Variants in NOS1AP observed in about 807,000 individuals in gnomAD.
NOS1AP encodes carboxyl-terminal PDZ ligand of neuronal nitric oxide synthase protein.
A neutral mutation model predicts 56.2 loss-of-function variants in NOS1AP; 21 were observed. That is an observed-to-expected ratio of 0.37 (90% confidence interval 0.26 to 0.54). The LOEUF is 0.54. Among genes scored for constraint, NOS1AP ranks in the 20% least tolerant of loss-of-function variants. NOS1AP has a pLI of 0.84. For synonymous variants in NOS1AP, 270 were observed against 274.6 expected, an observed-to-expected ratio of 0.98 and a Z score of 0.17; for missense variants, 522 against 657.8, an observed-to-expected ratio of 0.79 and a Z score of 2.26.
At chr1:162,322,440 C>G (rs1656450648) in intron 4 of NOS1AP, among the ~76,000 whole-genome samples, 1 of 152,216 alleles carries the variant, frequency 6.6e-6, no homozygotes, top group African/African-American at 2.4e-5. Flanking sequence ...TTCTTCATTT[C>G]CCGTCATGGC....
chr1:162,200,540 A>C lies in NOS1AP; in HGVS notation c.177+46064A>C, dbSNP rs539579492. On this transcript the variant is annotated intron_variant, in intron 2 of 9. Transcript: ENST00000361897. ...CTGGCATTAGGGAGCGGAGAGGATTATCTCCAGAGAGCGTTGAGACTCAGG... is the reference window on the plus strand; with the variant it reads ...CTGGCATTAGGGAGCGGAGAGGATTCTCTCCAGAGAGCGTTGAGACTCAGG... 4.6e-5 allele frequency among the ~76,000 whole-genome samples: 7 copies of C among 152,300 alleles called. No homozygotes were observed. In the East Asian group the frequency reaches 1.4e-3, roughly 29 times the overall value.
intron 2 of NOS1AP, among the ~76,000 whole-genome samples, chr1:162,278,793 GT>G (rs1654828159): frequency 6.6e-6 from 1 of 152,016 alleles, no homozygotes; most frequent in African/African-American, 2.4e-5. Context: ...TAATGGATGT[GT>G]ATATTTTGGG....
intron 9 of NOS1AP, among the ~76,000 whole-genome samples, chr1:162,366,402 A>G (rs1658087485): frequency 6.6e-6 from 1 of 152,246 alleles, no homozygotes. Flanking sequence ...TTAAGTAACT[A>G]GCTCAAGGTT....
chr1:162,070,474 C>T (rs1163524476), intron 1 of NOS1AP, among the ~76,000 whole-genome samples, 192 bp downstream of exon 1: 3 of 152,202 alleles, frequency 2.0e-5, no homozygotes, highest in African/African-American at 7.2e-5. Context: ...TGCTCAAGAG[C>T]AACTGCAAAG....
At chr1:162,334,474 T>C (rs1478361284) in intron 5 of NOS1AP, among the ~76,000 whole-genome samples, 1 of 152,066 alleles carries the variant, frequency 6.6e-6, no homozygotes, top group Non-Finnish European at 1.5e-5. Context: ...TGAGAAAGTT[T>C]AGAGTTTGGG....
chr1:162,297,356 A>C (rs4417045), intron 3 of NOS1AP, among the ~76,000 whole-genome samples: 1 of 152,228 alleles, frequency 6.6e-6, no homozygotes, highest in Admixed American at 6.5e-5. Context: ...AGGTCTGCTG[A>C]TGCCCCACCA....
intron 6 of NOS1AP, among the ~76,000 whole-genome samples, chr1:162,346,879 C>T (rs568715704): frequency 2.0e-5 from 3 of 152,278 alleles, no homozygotes; most frequent in South Asian, 2.1e-4. Context: ...ATCACACAGA[C>T]GGAGCCTTGC....
At chr1:162,316,979 C>T in intron 4 of NOS1AP, 1 of 162,696 alleles carries the variant, frequency 6.1e-6, no homozygotes, top group Non-Finnish European at 1.3e-5. Context: ...CATCTCTTGT[C>T]TCATTTGTTG....
chr1:162,328,923 T>A (rs1015207760), intron 4 of NOS1AP, among the ~76,000 whole-genome samples: 13 of 152,322 alleles, frequency 8.5e-5, no homozygotes, highest in Admixed American at 2.6e-4. Context: ...TACTCTAAAT[T>A]GTTGTTGCTG....
At chr1:162,329,793 T>C (rs1656707689) in intron 4 of NOS1AP, among the ~76,000 whole-genome samples, 1 of 152,242 alleles carries the variant, frequency 6.6e-6, no homozygotes, top group Admixed American at 6.5e-5. Context: ...ATGGAAAAAC[T>C]TTCTGCCTCT....
intron 2 of NOS1AP, among the ~76,000 whole-genome samples, chr1:162,216,890 G>C (rs1263912427): frequency 6.6e-6 from 1 of 152,152 alleles, no homozygotes; most frequent in East Asian, 1.9e-4. Flanking sequence ...GTACTTATAA[G>C]TTTATGGTTT....
intron 2 of NOS1AP, among the ~76,000 whole-genome samples, chr1:162,261,250 C>T (rs1408150575): frequency 7.2e-6 from 1 of 138,832 alleles, no homozygotes; most frequent in African/African-American, 2.8e-5. Flanking sequence ...TCAGTCCTAT[C>T]TTTCAAAATC....
At chr1:162,080,298 AG>A (rs2102013704) in intron 1 of NOS1AP, among the ~76,000 whole-genome samples, 1 of 152,296 alleles carries the variant, frequency 6.6e-6, no homozygotes, top group South Asian at 2.1e-4. Context: ...CTACTCTGTT[AG>A]TTAGAAAACT....
chr1:162,228,497 C>T (rs1306107000), intron 2 of NOS1AP, among the ~76,000 whole-genome samples: 1 of 152,156 alleles, frequency 6.6e-6, no homozygotes, highest in African/African-American at 2.4e-5. Flanking sequence ...CCAGAGCTTT[C>T]AACAGTCTCT....
intron 2 of NOS1AP, among the ~76,000 whole-genome samples, chr1:162,206,035 G>A (rs1320837050): frequency 1.3e-5 from 2 of 152,148 alleles, no homozygotes; most frequent in Non-Finnish European, 2.9e-5. Flanking sequence ...AGGGACCTGG[G>A]CATCATCTTT....
intron 5 of NOS1AP, among the ~76,000 whole-genome samples, chr1:162,334,973 A>C (rs1056832257): frequency 1.3e-5 from 2 of 152,176 alleles, no homozygotes; most frequent in African/African-American, 2.4e-5. Flanking sequence ...TTGCCTTGCT[A>C]TCAGATCTAA....
At chr1:162,070,769 G>T (rs541386450) in intron 1 of NOS1AP, among the ~76,000 whole-genome samples, 164 of 152,126 alleles carry the variant, frequency 1.1e-3, no homozygotes, top group Middle Eastern at 3.4e-3. Context: ...TAAACTCCAG[G>T]TAACCGGGTC....
rs556008698 is a variant in NOS1AP at position 162,367,092 on chromosome 1, C to T, written c.1146C>T (p.Ser382=). The T allele has an allele frequency of 6.2e-6, 10 of 1,613,950 alleles. No individual in the cohort carries two copies. The African/African-American group carries it at 6.7e-5, about 11-fold the overall frequency. ...QDSLLEITFR[S]GALPVLCDPT... is the part of the protein sequence containing the mutation. ...GCTTGCTGGAGATCACCTTCCGCTCCGGAGCCCTGCCCGTGCTCTGTGACC... is the reference window on the plus strand; with the variant it reads ...GCTTGCTGGAGATCACCTTCCGCTCTGGAGCCCTGCCCGTGCTCTGTGACC... Residue 382 remains serine, a synonymous_variant, in exon 10 of 10, where the codon TCC becomes TCT. Transcript: ENST00000361897. This position sits in a 1 kb window ranked among gnomAD's most constrained non-coding sequence, Gnocchi z 6.5.
At position 162,145,766 on chromosome 1, in the gene NOS1AP, C is replaced by T. The variant is rs562084135; in HGVS notation, c.106-8639C>T. Among the ~76,000 whole-genome samples the T allele has an allele frequency of 3.9e-5, 6 of 152,186 alleles. No individual in the cohort carries two copies. In the South Asian group the frequency reaches 8.3e-4, roughly 21 times the overall value. On this transcript the variant is annotated intron_variant, in intron 1 of 9. Coordinates refer to ENST00000361897, the MANE Select transcript of NOS1AP (RefSeq NM_014697.3). ...AATCTCAGCTGGGGGTTTCTAGGCA[C>T]GACCAGGGTATCAGATTTCTTTATG...
Sources: gnomAD v4.1 joint callset for allele counts (sites outside exome capture counted in the v4.1 genomes callset) on GRCh38, gnomAD v4.1.1 for gene constraint, Gnocchi (gnomAD v3.1) non-coding constraint, MANE v1.5 for transcripts, NCBI Gene and HGNC (gene_info 2026-07-23, HGNC 2026-07-21) for gene names.